Variants in WWC1 observed in about 807,000 individuals in gnomAD.
The protein encoded by WWC1 is WW and C2 domain containing 1.
A neutral mutation model predicts 138.4 loss-of-function variants in WWC1; 55 were observed. The observed-to-expected ratio is 0.40, with a 90% confidence interval of 0.32 to 0.50. The LOEUF is 0.50. Among genes scored for constraint, WWC1 ranks in the 20% least tolerant of loss-of-function variants. The probability of loss-of-function intolerance (pLI) is 0.72; values close to 1 mark genes in which losing one functional copy is unlikely to be tolerated. For synonymous variants in WWC1, 524 were observed against 564.9 expected, an observed-to-expected ratio of 0.93 and a Z score of 1.03; for missense variants, 1,226 against 1,420.4, an observed-to-expected ratio of 0.86 and a Z score of 2.20.
At chr5:168,392,945 A>G (rs1251610944) in intron 3 of WWC1, among the ~76,000 whole-genome samples, 1 of 152,148 alleles carries the variant, frequency 6.6e-6, no homozygotes, top group African/African-American at 2.4e-5. Flanking sequence ...ATGGTCAGGA[A>G]ACAAGAACAC....
At chr5:168,387,280 C>G (rs896852178) in intron 3 of WWC1, among the ~76,000 whole-genome samples, 4 of 152,166 alleles carry the variant, frequency 2.6e-5, no homozygotes, top group Non-Finnish European at 5.9e-5. Flanking sequence ...GAACTCTCCC[C>G]TAGTGTGAAG....
At chr5:168,450,008 A>G (rs1755654678) in intron 17 of WWC1, among the ~76,000 whole-genome samples, 1 of 152,160 alleles carries the variant, frequency 6.6e-6, no homozygotes, top group Non-Finnish European at 1.5e-5. Flanking sequence ...TCCAAAATGC[A>G]TTCTCCCCAT....
chr5:168,456,884 G>T (rs940136772), intron 19 of WWC1, among the ~76,000 whole-genome samples: 3 of 152,070 alleles, frequency 2.0e-5, no homozygotes, highest in Non-Finnish European at 4.4e-5. Flanking sequence ...AAGAACTTTG[G>T]TGAAATATTT....
At chr5:168,347,080 G>A (rs916738825) in intron 1 of WWC1, among the ~76,000 whole-genome samples, 2 of 152,124 alleles carry the variant, frequency 1.3e-5, no homozygotes, top group Non-Finnish European at 2.9e-5. Flanking sequence ...TCACACTCTG[G>A]GCTGCTCTCC....
chr5:168,386,066 C>T (rs957473223), intron 3 of WWC1, among the ~76,000 whole-genome samples: 9 of 151,978 alleles, frequency 5.9e-5, no homozygotes, highest in Admixed American at 1.3e-4. Flanking sequence ...TAGTATGTGC[C>T]GGTCCCCTTC....
At chr5:168,368,200 C>T (rs1281493762) in intron 1 of WWC1, among the ~76,000 whole-genome samples, 3 of 151,506 alleles carry the variant, frequency 2.0e-5, no homozygotes, top group Admixed American at 2.0e-4. Flanking sequence ...AAGTGCTTCT[C>T]CTGCCTCTGC....
intron 1 of WWC1, among the ~76,000 whole-genome samples, chr5:168,302,657 A>C (rs895079456): frequency 2.0e-5 from 3 of 152,192 alleles, no homozygotes; most frequent in African/African-American, 7.2e-5. Context: ...TTTACTACAA[A>C]TTAGTGAGAG....
At chr5:168,393,657 A>G (rs1778670320) in intron 3 of WWC1, among the ~76,000 whole-genome samples, 1 of 152,220 alleles carries the variant, frequency 6.6e-6, no homozygotes, top group Non-Finnish European at 1.5e-5. Flanking sequence ...TGGGTAGACC[A>G]TGAAAAGGAA....
At chr5:168,422,621 GA>G (rs1258541239) in intron 10 of WWC1, among the ~76,000 whole-genome samples, 1 of 149,406 alleles carries the variant, frequency 6.7e-6, no homozygotes, top group African/African-American at 2.5e-5. Context: ...TCTCCAAAAA[GA>G]AAAAAAAAGC....
chr5:168,424,372 T>C (rs1467302585), intron 11 of WWC1, among the ~76,000 whole-genome samples: 1 of 152,352 alleles, frequency 6.6e-6, no homozygotes. Flanking sequence ...ATTATAGATA[T>C]GCTGGGTGCC....
intron 2 of WWC1, among the ~76,000 whole-genome samples, chr5:168,378,405 G>A (rs1278750951): frequency 6.6e-6 from 1 of 152,014 alleles, no homozygotes; most frequent in Non-Finnish European, 1.5e-5. Context: ...GGTACCCCCT[G>A]AATCTAAAAT....
At chr5:168,318,560 A>AT (rs34149697) in intron 1 of WWC1, among the ~76,000 whole-genome samples, 30,286 of 134,418 alleles carry the variant, frequency 0.23, 3,765 homozygotes, top group African/African-American at 0.34. Context: ...GTGACTGGCT[A>AT]TTTTTTTTTT....
intron 9 of WWC1, chr5:168,415,995 CTG>C (rs1199332637): frequency 6.6e-6 from 1 of 152,124 alleles, no homozygotes; most frequent in Non-Finnish European, 1.5e-5. Flanking sequence ...GAGATGCTGT[CTG>C]TGCTCACTCT....
chr5:168,382,860 T>C (rs1777752790), intron 2 of WWC1, among the ~76,000 whole-genome samples: 1 of 152,072 alleles, frequency 6.6e-6, no homozygotes. Context: ...GCTTGAAGAA[T>C]TGCTATTCAC....
In WWC1 at chr5:168,305,526, G is replaced by A. The variant is rs564706994; in HGVS notation, c.119+13255G>A. Among the ~76,000 whole-genome samples the A allele has an allele frequency of 7.2e-5, 11 of 152,278 alleles. No individual in the cohort carries two copies. In the East Asian group the frequency reaches 1.9e-3, roughly 27 times the overall value. ...GCTCAGTGGCTGGCATGCAGTAGAA[G>A]CACATTAAGCCAGGGTTGAATGCTC... On this transcript the variant is annotated intron_variant, in intron 1 of 22. Transcript: ENST00000265293.
At chr5:168,429,309 A>G (rs1454382434) in intron 13 of WWC1, among the ~76,000 whole-genome samples, 1 of 134,614 alleles carries the variant, frequency 7.4e-6, no homozygotes, top group Non-Finnish European at 1.5e-5. Flanking sequence ...CCCAGGCTGG[A>G]GTGCAGTGGT....
chr5:168,429,446 A>G (rs886173254), intron 13 of WWC1, among the ~76,000 whole-genome samples: 4 of 151,736 alleles, frequency 2.6e-5, no homozygotes, highest in Non-Finnish European at 4.4e-5. Context: ...TTTAATAGAG[A>G]TGGAGTTTCA....
intron 17 of WWC1, 114 bp from the exon 18 acceptor site, chr5:168,453,854 A>G: frequency 1.3e-6 from 2 of 1,521,486 alleles, no homozygotes; most frequent in Non-Finnish European, 1.8e-6. Flanking sequence ...AACTTTTTAA[A>G]ATATATCTTC....
intron 1 of WWC1, among the ~76,000 whole-genome samples, chr5:168,355,384 CT>C (rs1582015717): frequency 1.3e-5 from 2 of 150,374 alleles, no homozygotes; most frequent in East Asian, 4.0e-4. Flanking sequence ...ATCCCAGCTA[CT>C]CAGAAGGCTG....
Sources: gnomAD v4.1 joint callset for allele counts (sites outside exome capture counted in the v4.1 genomes callset) on GRCh38, gnomAD v4.1.1 for gene constraint, MANE v1.5 for transcripts, NCBI Gene and HGNC (gene_info 2026-07-23, HGNC 2026-07-21) for gene names.